Variants in SIK2 observed in about 807,000 individuals in gnomAD.
The protein encoded by SIK2 is serine/threonine-protein kinase SIK2.
Under a neutral mutation model 103.2 loss-of-function variants are expected in SIK2, and 29 were observed. The ratio of observed to expected loss-of-function variants is 0.28; its 90% confidence interval spans 0.21 to 0.38. The LOEUF is 0.38. Among genes scored for constraint, SIK2 ranks in the 10% least tolerant of loss-of-function variants. The pLI, the probability that SIK2 is intolerant of heterozygous loss-of-function variation, is 1.00. For synonymous variants in SIK2, 412 were observed against 446.1 expected (o/e 0.92, Z 0.96); for missense variants, 879 against 1,171.0 (o/e 0.75, Z 3.64).
At chr11:111,678,249 AC>A (rs1380155371) in intron 3 of SIK2, among the ~76,000 whole-genome samples, 4 of 152,042 alleles carry the variant, frequency 2.6e-5, no homozygotes, top group African/African-American at 4.8e-5. Context: ...TCATCCCTGT[AC>A]CTCTAACATT....
chr11:111,682,257 G>C (rs1942787289), intron 3 of SIK2, among the ~76,000 whole-genome samples: 1 of 152,166 alleles, frequency 6.6e-6, no homozygotes, highest in African/African-American at 2.4e-5. Context: ...GGAAGAATAA[G>C]TTAAACAGTA....
intron 12 of SIK2, 42 bp downstream of exon 12, chr11:111,721,104 G>C: frequency 6.3e-7 from 1 of 1,578,140 alleles, no homozygotes; most frequent in Non-Finnish European, 8.6e-7. Context: ...CTGTGAGGAT[G>C]AGGTGTGAGT....
At chr11:111,675,747 T>C (rs1942694930) in intron 3 of SIK2, among the ~76,000 whole-genome samples, 1 of 152,242 alleles carries the variant, frequency 6.6e-6, no homozygotes, top group Admixed American at 6.5e-5. Context: ...AATTTTTTTC[T>C]TTCTTCCAAT....
At chr11:111,712,444 T>G in intron 9 of SIK2, 69 bp downstream of exon 9, 1 of 1,504,332 alleles carries the variant, frequency 6.6e-7, no homozygotes, top group Non-Finnish European at 9.0e-7. Context: ...CCACAAGTGT[T>G]GTACTTTGGC....
intron 4 of SIK2, among the ~76,000 whole-genome samples, chr11:111,696,974 A>C (rs1032686496): frequency 3.3e-5 from 5 of 152,242 alleles, no homozygotes; most frequent in Non-Finnish European, 7.3e-5. Context: ...ATTCCTGTGA[A>C]GAAATTAAAA....
At chr11:111,628,499 C>T (rs748529940) in intron 3 of SIK2, among the ~76,000 whole-genome samples, 21 of 138,654 alleles carry the variant, frequency 1.5e-4, no homozygotes, top group Non-Finnish European at 2.4e-4. Context: ...AGTGCAGTGG[C>T]GCAATCACAG....
rs1302396784 is a variant in SIK2 at position 111,630,456 on chromosome 11, T to C, written c.316+10054T>C. 2.6e-5 allele frequency among the ~76,000 whole-genome samples: 4 copies of C among 152,128 alleles called. No homozygotes were observed. The East Asian group carries it at 7.7e-4, about 29-fold the overall frequency. ...GTTAACCATCTAAGAGTTTGCATCT[T>C]ATTGTATATAAATCATACTTCAGTA... is the stretch of plus-strand genomic sequence containing the variant. On this transcript the variant is annotated intron_variant, in intron 3 of 14. Coordinates refer to ENST00000304987, the MANE Select transcript of SIK2 (RefSeq NM_015191.3).
At chr11:111,664,514 G>T (rs1159390644) in intron 3 of SIK2, among the ~76,000 whole-genome samples, 3 of 152,186 alleles carry the variant, frequency 2.0e-5, no homozygotes, top group East Asian at 1.9e-4. Flanking sequence ...TACTAGGGAG[G>T]CTGAGGCAAG....
chr11:111,685,856 A>T (rs1460538880), intron 3 of SIK2, among the ~76,000 whole-genome samples: 2 of 152,170 alleles, frequency 1.3e-5, no homozygotes, highest in Admixed American at 1.3e-4. Flanking sequence ...TGACTAAAAA[A>T]TAAATAAACA....
chr11:111,680,251 T>G (rs532085423), intron 3 of SIK2, among the ~76,000 whole-genome samples: 4 of 152,246 alleles, frequency 2.6e-5, no homozygotes, highest in South Asian at 2.1e-4. Flanking sequence ...TCAAAATATT[T>G]TAAAGAGAGC....
At chr11:111,625,569 G>C (rs1271484516) in intron 3 of SIK2, among the ~76,000 whole-genome samples, 6 of 152,198 alleles carry the variant, frequency 3.9e-5, no homozygotes, top group Non-Finnish European at 8.8e-5. Context: ...TAGAAACCAA[G>C]TGACCAAAGT....
chr11:111,667,933 C>T (rs1487569758), intron 3 of SIK2, among the ~76,000 whole-genome samples: 1 of 152,174 alleles, frequency 6.6e-6, no homozygotes, highest in Non-Finnish European at 1.5e-5. Context: ...TCGAGAATGA[C>T]ATTTCAAGCT....
chr11:111,616,109 CAT>C, intron 1 of SIK2, 132 bp from the exon 2 acceptor site: 1 of 603,322 alleles, frequency 1.7e-6, no homozygotes, highest in Middle Eastern at 4.4e-4. Context: ...AATGAATGAA[CAT>C]TGAATTTAAA....
chr11:111,726,980 G>A lies in SIK2; in HGVS notation c.*2851G>A. The A allele has an allele frequency of 6.2e-7, 1 of 1,613,702 alleles. No homozygotes were observed. The highest frequency in any genetic ancestry group is 8.5e-7 in the Non-Finnish European group (1 of 1,179,648). On this transcript the variant is annotated 3_prime_UTR_variant, in exon 15 of 15. Transcript: ENST00000304987. ...ATCTGGGGTATTAGTCTGTGCTTTG[G>A]GAGAAATGCACTAGCTCTGCAATTC...
intron 1 of SIK2, among the ~76,000 whole-genome samples, chr11:111,604,181 A>AT (rs1159766602): frequency 6.6e-6 from 1 of 152,258 alleles, no homozygotes; most frequent in Non-Finnish European, 1.5e-5. Context: ...TGATCCCAGC[A>AT]TTTTTTAAAA....
At chr11:111,651,544 G>A (rs1367755198) in intron 3 of SIK2, among the ~76,000 whole-genome samples, 1 of 152,182 alleles carries the variant, frequency 6.6e-6, no homozygotes, top group East Asian at 1.9e-4. Context: ...GAGGTGATGG[G>A]AGGGAGAACA....
intron 1 of SIK2, among the ~76,000 whole-genome samples, chr11:111,609,336 G>T (rs369481191): frequency 1.1e-4 from 17 of 150,988 alleles, no homozygotes; most frequent in African/African-American, 2.0e-4. Context: ...TTTTTTTTGG[G>T]GGGGGGACAG....
chr11:111,722,459 A>G lies in SIK2; in HGVS notation c.2056-206A>G, dbSNP rs1943830622. Among the ~76,000 whole-genome samples, 1 of 152,170 alleles carries G rather than the reference A, an allele frequency of 6.6e-6. No individual in the cohort carries two copies. Among genetic ancestry groups the G allele is most frequent in the Non-Finnish European group, 1.5e-5 (1 of 68,014 alleles). ...AGTGGACTTTTGGAAATGGAGTGGA[A>G]AAAGGAAGTAGGTGAGGTCAGAGAT... On this transcript the variant is annotated intron_variant, in intron 13 of 14. Coordinates refer to ENST00000304987, the MANE Select transcript of SIK2 (RefSeq NM_015191.3). This position sits in a 1 kb window ranked among gnomAD's most constrained non-coding sequence, Gnocchi z 4.4.
At chr11:111,661,984 A>G (rs1942473645) in intron 3 of SIK2, among the ~76,000 whole-genome samples, 2 of 152,184 alleles carry the variant, frequency 1.3e-5, no homozygotes, top group Admixed American at 6.5e-5. Flanking sequence ...AAATAACTCA[A>G]ATTTCTTTAA....
Sources: gnomAD v4.1 joint callset for allele counts (sites outside exome capture counted in the v4.1 genomes callset) on GRCh38, gnomAD v4.1.1 for gene constraint, Gnocchi (gnomAD v3.1) non-coding constraint, MANE v1.5 for transcripts, NCBI Gene and HGNC (gene_info 2026-07-23, HGNC 2026-07-21) for gene names.